The following EVI5 variants were observed in gnomAD, a reference collection of about 807,000 sequenced individuals.
The protein encoded by EVI5 is ecotropic viral integration site 5.
Under a neutral mutation model 112.0 loss-of-function variants are expected in EVI5, and 73 were observed. The observed-to-expected ratio is 0.65, with a 90% confidence interval of 0.54 to 0.79. The LOEUF (loss-of-function observed/expected upper bound fraction) is 0.79, where lower values mean the gene tolerates loss of function less well. EVI5 is among the 30% of genes least tolerant of loss of function. The pLI is 0.00. For missense variants in EVI5, 900 were observed against 968.8 expected, an observed-to-expected ratio of 0.93 and a Z score of 0.94; for synonymous variants, 305 against 319.9, an observed-to-expected ratio of 0.95 and a Z score of 0.50.
At chr1:92,715,253 C>A (rs1416468566) in intron 2 of EVI5, among the ~76,000 whole-genome samples, 1 of 152,136 alleles carries the variant, frequency 6.6e-6, no homozygotes, top group African/African-American at 2.4e-5. Flanking sequence ...AGGTGATCCA[C>A]CCGCCTCGGC....
chr1:92,739,799 G>C lies in EVI5; in HGVS notation c.-81-3172C>G, dbSNP rs559455882. Reference sequence around the variant, plus strand: ...TGAGGGAGAAAAGGACATGGCTATGGTTAATTACTTCCTGAATCATACTGT... The same window carrying C: ...TGAGGGAGAAAAGGACATGGCTATGCTTAATTACTTCCTGAATCATACTGT... On this transcript the variant is annotated intron_variant, in intron 1 of 19. Transcript: ENST00000684568. 3.3e-5 allele frequency among the ~76,000 whole-genome samples: 5 copies of C among 151,886 alleles called. No individual in the cohort carries two copies. The East Asian group carries it at 9.7e-4, about 29-fold the overall frequency.
chr1:92,683,498 C>CG (rs1274541142), intron 9 of EVI5, among the ~76,000 whole-genome samples: 3 of 152,160 alleles, frequency 2.0e-5, no homozygotes, highest in Non-Finnish European at 4.4e-5. Flanking sequence ...AGCACCTCTT[C>CG]GCCTCCAAAG....
At chr1:92,517,885 C>CTT (rs35504849) in intron 19 of EVI5, among the ~76,000 whole-genome samples, 1,335 of 102,102 alleles carry the variant, frequency 0.013, 14 homozygotes, top group Non-Finnish European at 0.018. Flanking sequence ...ATATTATATG[C>CTT]TTTTTTTTTT....
intron 1 of EVI5, among the ~76,000 whole-genome samples, chr1:92,745,379 A>G (rs1355921861): frequency 6.6e-6 from 1 of 152,114 alleles, no homozygotes; most frequent in African/African-American, 2.4e-5. Context: ...AAATATTGTG[A>G]CATTCATTAA....
At chr1:92,561,101 T>C (rs553704869) in intron 19 of EVI5, among the ~76,000 whole-genome samples, 4 of 152,270 alleles carry the variant, frequency 2.6e-5, no homozygotes, top group Admixed American at 1.3e-4. Flanking sequence ...GGTTTTCTTT[T>C]GCGTTGGCTG....
chr1:92,660,941 T>A (rs1663893812), intron 13 of EVI5, among the ~76,000 whole-genome samples: 3 of 152,048 alleles, frequency 2.0e-5, no homozygotes, highest in African/African-American at 7.2e-5. Flanking sequence ...ATATAAATTA[T>A]ACTTTAATAA....
At chr1:92,548,222 T>C (rs951402994) in intron 19 of EVI5, among the ~76,000 whole-genome samples, 8 of 152,186 alleles carry the variant, frequency 5.3e-5, no homozygotes, top group Non-Finnish European at 1.0e-4. Flanking sequence ...TAATCCAGTA[T>C]ATAAACAGAA....
chr1:92,515,661 G>A (rs1293380666), intron 19 of EVI5, among the ~76,000 whole-genome samples: 1 of 152,144 alleles, frequency 6.6e-6, no homozygotes, highest in Non-Finnish European at 1.5e-5. Flanking sequence ...CAAACTCCTA[G>A]TCACAATCTT....
In EVI5 at chr1:92,676,715, G is replaced by A. The variant is rs192813311; in HGVS notation, c.1158+443C>T. ...AGTTCAAAAGTATAACCCTTGCTTA[G>A]AGAAGAAAAAGTCGTATCAGTCAAA... is the stretch of plus-strand genomic sequence containing the variant. On this transcript the variant is annotated intron_variant, in intron 10 of 19. Coordinates refer to ENST00000684568, the MANE Select transcript of EVI5 (RefSeq NM_001350197.2). Among the ~76,000 whole-genome samples the A allele has an allele frequency of 1.3e-3, 204 of 152,230 alleles. 1 individual carries two copies. Among genetic ancestry groups the A allele is most frequent in the African/African-American group, 4.8e-3 (199 of 41,542 alleles).
At chr1:92,733,948 T>C (rs1676908958) in intron 2 of EVI5, among the ~76,000 whole-genome samples, 1 of 152,172 alleles carries the variant, frequency 6.6e-6, no homozygotes, top group African/African-American at 2.4e-5. Flanking sequence ...ACACTGTCAT[T>C]CTTTTGGCAG....
chr1:92,520,561 G>T (rs1034708844), intron 19 of EVI5, among the ~76,000 whole-genome samples: 6 of 151,992 alleles, frequency 3.9e-5, no homozygotes, highest in Non-Finnish European at 8.8e-5. Flanking sequence ...GAACACTCAA[G>T]AATTAGCGGC....
At chr1:92,655,746 G>T (rs1662888902) in intron 13 of EVI5, among the ~76,000 whole-genome samples, 1 of 152,130 alleles carries the variant, frequency 6.6e-6, no homozygotes, top group Non-Finnish European at 1.5e-5. Context: ...ATTTTAAAAT[G>T]ATAACGGGAT....
chr1:92,552,239 T>C (rs1385963201), intron 19 of EVI5, among the ~76,000 whole-genome samples: 1 of 151,924 alleles, frequency 6.6e-6, no homozygotes, highest in Non-Finnish European at 1.5e-5. Flanking sequence ...CAGACTACTG[T>C]GCCAGGACTT....
Position 92,585,040 on chromosome 1 carries a change from G to A in EVI5, c.2070+20267C>T, listed in dbSNP as rs141356900. On this transcript the variant is annotated intron_variant, in intron 18 of 19. Transcript: ENST00000684568. ...GGTGTTCGAGACCAGTTTGGCCAAC[G>A]TGGTGAAACCCCATCTCTATTGAAA... Among the ~76,000 whole-genome samples, 700 of 152,038 alleles carry A rather than the reference G, an allele frequency of 4.6e-3. 3 individuals carry two copies. The highest frequency in any genetic ancestry group is 0.016 in the African/African-American group (675 of 41,488).
chr1:92,686,004 T>C (rs895859356), intron 9 of EVI5, among the ~76,000 whole-genome samples: 5 of 152,144 alleles, frequency 3.3e-5, no homozygotes, highest in Non-Finnish European at 7.3e-5. Flanking sequence ...TCCGAAACCA[T>C]TTCAATCAAC....
intron 13 of EVI5, among the ~76,000 whole-genome samples, chr1:92,651,372 G>C (rs1662059788): frequency 6.6e-6 from 1 of 152,152 alleles, no homozygotes; most frequent in Non-Finnish European, 1.5e-5. Flanking sequence ...AGGAGAAAGA[G>C]AGGAACCATA....
At chr1:92,652,949 G>A (rs1024684802) in intron 13 of EVI5, among the ~76,000 whole-genome samples, 2 of 152,168 alleles carry the variant, frequency 1.3e-5, no homozygotes, top group Admixed American at 6.5e-5. Flanking sequence ...GGGAGTGTTT[G>A]GGCTCCTCTT....
intron 16 of EVI5, among the ~76,000 whole-genome samples, chr1:92,616,559 C>T (rs1479193018): frequency 2.0e-5 from 3 of 152,056 alleles, no homozygotes; most frequent in African/African-American, 7.2e-5. Context: ...CTCATTCCTA[C>T]TTAATTTATA....
chr1:92,552,615 C>T (rs1667113301), intron 19 of EVI5, among the ~76,000 whole-genome samples: 1 of 152,134 alleles, frequency 6.6e-6, no homozygotes, highest in Non-Finnish European at 1.5e-5. Flanking sequence ...GTGATATATC[C>T]CTTGAAGATA....
Sources: allele counts gnomAD v4.1 joint callset (sites outside exome capture counted in the v4.1 genomes callset), GRCh38; gene constraint gnomAD v4.1.1; transcripts MANE v1.5; gene names NCBI Gene and HGNC (gene_info 2026-07-23, HGNC 2026-07-21).